The following CCDC6 variants were observed in gnomAD, a reference collection of about 807,000 sequenced individuals.
CCDC6 encodes the protein coiled-coil domain-containing protein 6.
A neutral mutation model predicts 56.6 loss-of-function variants in CCDC6; 20 were observed. The ratio of observed to expected loss-of-function variants is 0.35; its 90% CI spans 0.25 to 0.51. CCDC6 has a LOEUF of 0.51. Ranked by LOEUF, CCDC6 falls within the 20% of genes least tolerant of loss-of-function variation. CCDC6 has a pLI of 0.95. For synonymous variants in CCDC6, 241 were observed against 234.4 expected (o/e 1.03, Z -0.26); for missense variants, 367 against 601.1 (o/e 0.61, Z 4.07).
chr10:59,825,677 T>A (rs572418473), intron 3 of CCDC6, among the ~76,000 whole-genome samples: 1 of 152,302 alleles, frequency 6.6e-6, no homozygotes, highest in South Asian at 2.1e-4. Context: ...CAGAATTGTA[T>A]GGGAACTGGC....
At chr10:59,847,433 T>G (rs1201525904) in intron 2 of CCDC6, among the ~76,000 whole-genome samples, 1 of 152,048 alleles carries the variant, frequency 6.6e-6, no homozygotes, top group Non-Finnish European at 1.5e-5. Context: ...ACAAGACAGT[T>G]AGGCTAATCA....
intron 1 of CCDC6, among the ~76,000 whole-genome samples, chr10:59,896,589 T>A (rs1170178026): frequency 6.9e-6 from 1 of 144,566 alleles, no homozygotes; most frequent in Non-Finnish European, 1.5e-5. Context: ...AGTCTTTCTT[T>A]AAAAAAAAAA....
intron 5 of CCDC6, among the ~76,000 whole-genome samples, chr10:59,811,332 A>T (rs2070670359): frequency 6.6e-6 from 1 of 152,206 alleles, no homozygotes; most frequent in African/African-American, 2.4e-5. Flanking sequence ...TGAACTTTTT[A>T]AAATGCACAT....
In CCDC6 at chr10:59,814,599, A is replaced by AACAC. The variant is rs111613433; in HGVS notation, c.686+49_686+52dup. 1,439 of 927,184 alleles carry AACAC rather than the reference A, an allele frequency of 1.6e-3. 3 individuals carry two copies. Among genetic ancestry groups the AACAC allele is most frequent in the African/African-American group, 8.6e-3 (524 of 61,248 alleles). 57.4% of individuals were successfully genotyped at this position (927,184 alleles called of 1,614,324 possible). A position where few individuals can be genotyped will look rare whatever the true frequency, so the allele number is the denominator to read the frequency against. On this transcript the variant is annotated intron_variant, in intron 4 of 8. Coordinates refer to ENST00000263102, the MANE Select transcript of CCDC6 (RefSeq NM_005436.5). ...ATTCCTCAGTCACACCCAGAGCAGCAACACACACACACACACACACACACC... is the reference window on the plus strand; with the variant it reads ...ATTCCTCAGTCACACCCAGAGCAGCAACACACACACACACACACACACACACACC...
chr10:59,856,980 A>G (rs2071085023), intron 1 of CCDC6, among the ~76,000 whole-genome samples: 1 of 152,202 alleles, frequency 6.6e-6, no homozygotes, highest in Non-Finnish European at 1.5e-5. Context: ...AAAATTTATG[A>G]TATTTTCCTG....
intron 1 of CCDC6, among the ~76,000 whole-genome samples, chr10:59,857,613 C>G (rs1280845809): frequency 2.6e-5 from 4 of 152,048 alleles, no homozygotes; most frequent in Non-Finnish European, 5.9e-5. Flanking sequence ...TATTTGATAG[C>G]AGCCCTATGG....
chr10:59,870,540 T>C (rs1159831898), intron 1 of CCDC6, among the ~76,000 whole-genome samples: 1 of 151,732 alleles, frequency 6.6e-6, no homozygotes, highest in Non-Finnish European at 1.5e-5. Flanking sequence ...ACCCCCAGCA[T>C]TAACTTTCTT....
intron 2 of CCDC6, among the ~76,000 whole-genome samples, chr10:59,847,452 T>C (rs2071002831): frequency 1.3e-5 from 2 of 152,074 alleles, no homozygotes; most frequent in South Asian, 2.1e-4. Context: ...CATTAGAGCA[T>C]TCTGATTATA....
chr10:59,887,741 G>C lies in CCDC6; in HGVS notation c.303+18381C>G, dbSNP rs139339503. On this transcript the variant is annotated intron_variant, in intron 1 of 8. Transcript: ENST00000263102. ...CCCAATTTTTGTTGCTGGGTCAAATGCGACATTGGAATTTCCTAGAAATTT... is the reference window on the plus strand; with the variant it reads ...CCCAATTTTTGTTGCTGGGTCAAATCCGACATTGGAATTTCCTAGAAATTT... Among the ~76,000 whole-genome samples the C allele has an allele frequency of 3.8e-4, 58 of 152,248 alleles. 1 individual carries two copies. The highest frequency in any genetic ancestry group is 1.2e-3 in the African/African-American group (51 of 41,540).
intron 6 of CCDC6, chr10:59,806,574 A>T: frequency 5.1e-6 from 1 of 194,186 alleles, no homozygotes; most frequent in South Asian, 1.2e-4. Flanking sequence ...ATCCTTATAC[A>T]GTACAGGAAT....
chr10:59,831,725 A>G (rs1167762981), intron 3 of CCDC6, among the ~76,000 whole-genome samples: 2 of 152,214 alleles, frequency 1.3e-5, no homozygotes, highest in Admixed American at 1.3e-4. Context: ...ATCGGGGAAC[A>G]CCGAGGCTAG....
intron 3 of CCDC6, among the ~76,000 whole-genome samples, chr10:59,826,642 T>A (rs2070790413): frequency 6.6e-6 from 1 of 152,218 alleles, no homozygotes; most frequent in African/African-American, 2.4e-5. Flanking sequence ...ACTGGATTAA[T>A]GCAGGATGCA....
At chr10:59,885,197 T>A (rs2071373325) in intron 1 of CCDC6, among the ~76,000 whole-genome samples, 1 of 152,116 alleles carries the variant, frequency 6.6e-6, no homozygotes. Flanking sequence ...GATACATTTG[T>A]TATATCTACA....
chr10:59,859,195 T>C (rs1226948012), intron 1 of CCDC6, among the ~76,000 whole-genome samples: 3 of 118,462 alleles, frequency 2.5e-5, no homozygotes, highest in African/African-American at 6.1e-5. Flanking sequence ...AATACATGTG[T>C]GTGCGTGTGT....
intron 1 of CCDC6, among the ~76,000 whole-genome samples, chr10:59,891,986 C>T (rs2071425586): frequency 6.6e-6 from 1 of 152,186 alleles, no homozygotes; most frequent in African/African-American, 2.4e-5. Context: ...AAAACTACTG[C>T]CTCCCACAGA....
rs1408830779 is a variant in CCDC6 at position 59,834,495 on chromosome 10, G to A, written c.454-1842C>T. 4.0e-5 allele frequency among the ~76,000 whole-genome samples: 6 copies of A among 151,784 alleles called. No individual in the cohort carries two copies. In the South Asian group the frequency reaches 8.3e-4, roughly 21 times the overall value. ...CAGGAGGCAGGGGTTGCAGGGAGGC[G>A]GAGGTTGCAGTGAGCCAAGATCACA... is the stretch of plus-strand genomic sequence containing the variant. On this transcript the variant is annotated intron_variant, in intron 2 of 8. Coordinates refer to ENST00000263102, the MANE Select transcript of CCDC6 (RefSeq NM_005436.5).
chr10:59,834,238 A>C (rs1335616522), intron 2 of CCDC6, among the ~76,000 whole-genome samples: 1 of 152,148 alleles, frequency 6.6e-6, no homozygotes, highest in Non-Finnish European at 1.5e-5. Flanking sequence ...TTAAGGAAAA[A>C]AAAAATTGTT....
At chr10:59,797,347 G>T (rs1182559390) in intron 7 of CCDC6, among the ~76,000 whole-genome samples, 1 of 151,876 alleles carries the variant, frequency 6.6e-6, no homozygotes, top group East Asian at 1.9e-4. Flanking sequence ...TTAAAAATAA[G>T]AGGATAGATC....
At chr10:59,873,891 C>A (rs2071253892) in intron 1 of CCDC6, among the ~76,000 whole-genome samples, 1 of 152,022 alleles carries the variant, frequency 6.6e-6, no homozygotes, top group Non-Finnish European at 1.5e-5. Flanking sequence ...TTAAAACAAT[C>A]CAAGTACATC....
Sources: gnomAD v4.1 joint callset for allele counts (sites outside exome capture counted in the v4.1 genomes callset) on GRCh38, gnomAD v4.1.1 for gene constraint, MANE v1.5 for transcripts, NCBI Gene and HGNC (gene_info 2026-07-23, HGNC 2026-07-21) for gene names.